Variants in SNRPD1 observed in about 807,000 individuals in gnomAD.
SNRPD1 encodes the protein small nuclear ribonucleoprotein Sm D1.
In SNRPD1, 1 loss-of-function variant was observed where a neutral mutation model predicts 14.4. The ratio of observed to expected loss-of-function variants is 0.07; its 90% CI spans 0.02 to 0.33. SNRPD1 has a LOEUF of 0.33. Ranked by LOEUF, SNRPD1 falls within the 10% of genes least tolerant of loss-of-function variation. The pLI is 1.00. For missense variants in SNRPD1, 52 were observed against 146.4 expected, an observed-to-expected ratio of 0.36 and a Z score of 3.33; for synonymous variants, 42 against 50.3, an observed-to-expected ratio of 0.83 and a Z score of 0.70.
chr18:21,612,482 G>T, intron 1 of SNRPD1, 39 bp downstream of exon 1: 1 of 1,449,944 alleles, frequency 6.9e-7, no homozygotes, highest in Non-Finnish European at 9.3e-7. Context: ...GCTGTGAAGG[G>T]AGGGCTTGGC....
intron 1 of SNRPD1, among the ~76,000 whole-genome samples, chr18:21,620,217 G>A (rs2038987610): frequency 6.6e-6 from 1 of 152,116 alleles, no homozygotes; most frequent in Non-Finnish European, 1.5e-5. Flanking sequence ...GCCTCCCAAA[G>A]TGCTGGGGTT....
intron 2 of SNRPD1, among the ~76,000 whole-genome samples, chr18:21,623,433 C>T (rs866835502): frequency 3.0e-4 from 45 of 152,102 alleles, no homozygotes; most frequent in African/African-American, 1.1e-3. Context: ...GTTACAAAGA[C>T]AGTGGGAGAA....
intron 1 of SNRPD1, among the ~76,000 whole-genome samples, chr18:21,614,252 G>A (rs1219303112): frequency 3.9e-5 from 6 of 152,204 alleles, no homozygotes; most frequent in African/African-American, 1.4e-4. Context: ...GGGCAACAGA[G>A]TGAGACTCGG....
chr18:21,633,520 CT>C (rs1411716084), downstream of SNRPD1: 9 of 151,840 alleles, frequency 5.9e-5, no homozygotes, highest in Non-Finnish European at 1.3e-4. Context: ...GGAGTACTTT[CT>C]TTTCGTTTTT....
rs1345559594 is a variant in SNRPD1 at position 21,633,077 on chromosome 18, C to T, written c.*3939C>T. On this transcript the variant is annotated 3_prime_UTR_variant, in exon 4 of 4. Coordinates refer to ENST00000300413, the MANE Select transcript of SNRPD1 (RefSeq NM_006938.4). ...GTGTTAGCCAGGATGGTCTGAATCT[C>T]CTGACCTCGTGATTCGCCCGCCTCG... 10 of 152,140 alleles carry T rather than the reference C, an allele frequency of 6.6e-5. No homozygotes were observed. The highest frequency in any genetic ancestry group is 6.6e-4 in the Admixed American group (10 of 15,244). 9.4% of individuals were successfully genotyped at this position (152,140 alleles called of 1,614,324 possible).
chr18:21,622,953 GT>G (rs1383710336), intron 2 of SNRPD1, 152 bp downstream of exon 2: 11 of 484,204 alleles, frequency 2.3e-5, no homozygotes, highest in Admixed American at 4.4e-5. Context: ...TTTTTAAACA[GT>G]TTTGCTCTGT....
intron 3 of SNRPD1, 101 bp from the exon 4 acceptor site, chr18:21,628,961 C>T: frequency 8.0e-6 from 7 of 872,030 alleles, no homozygotes; most frequent in Non-Finnish European, 1.4e-5. Flanking sequence ...TAATAAAGAG[C>T]TATAAACAGG....
In SNRPD1 at chr18:21,632,488, T is replaced by A. The variant is rs1186120238; in HGVS notation, c.*3350T>A. The A allele has an allele frequency of 6.6e-6, 1 of 152,026 alleles. No homozygotes were observed. The highest frequency in any genetic ancestry group is 6.6e-5 in the Admixed American group (1 of 15,242). The allele number at this position is 152,026 out of a possible 1,614,324, so 9.4% of individuals were successfully genotyped here. A position where few individuals can be genotyped will look rare whatever the true frequency, so the allele number is the denominator to read the frequency against. ...AAAAAAAAAATTTGTTTTGAGAGTTTTTGTGTCTAGGATGTTTGCAGTGTG... is the reference window on the plus strand; with the variant it reads ...AAAAAAAAAATTTGTTTTGAGAGTTATTGTGTCTAGGATGTTTGCAGTGTG... On this transcript the variant is annotated 3_prime_UTR_variant, in exon 4 of 4. Coordinates refer to ENST00000300413, the MANE Select transcript of SNRPD1 (RefSeq NM_006938.4).
intron 1 of SNRPD1, among the ~76,000 whole-genome samples, chr18:21,621,120 A>G (rs946770547): frequency 4.6e-5 from 7 of 152,106 alleles, no homozygotes; most frequent in Middle Eastern, 3.4e-3. Context: ...GTGAGCCGAG[A>G]TTGTGCCACT....
At chr18:21,619,521 A>C (rs1472970389) in intron 1 of SNRPD1, among the ~76,000 whole-genome samples, 1 of 147,634 alleles carries the variant, frequency 6.8e-6, no homozygotes, top group Non-Finnish European at 1.5e-5. Flanking sequence ...CTGGTGGCTT[A>C]CGCCTGTAAT....
rs1293639091 is a variant in SNRPD1, at chr18:21,631,703, ACAGGCG to A, written c.*2566_*2571del. On this transcript the variant is annotated 3_prime_UTR_variant, in exon 4 of 4. Coordinates refer to ENST00000300413, the MANE Select transcript of SNRPD1 (RefSeq NM_006938.4). ...CGAGGCCTCCCAATGTGCTGGGATTACAGGCGTGAGCCACCGTGCGTCCCCGGCCTA... is the reference window on the plus strand; with the variant it reads ...CGAGGCCTCCCAATGTGCTGGGATTATGAGCCACCGTGCGTCCCCGGCCTA... 1 of 152,104 alleles carries A rather than the reference ACAGGCG, an allele frequency of 6.6e-6. No individual in the cohort carries two copies. Among genetic ancestry groups the A allele is most frequent in the African/African-American group, 2.4e-5 (1 of 41,412 alleles). 9.4% of individuals were successfully genotyped at this position (152,104 alleles called of 1,614,324 possible). A position where few individuals can be genotyped will look rare whatever the true frequency, so the allele number is the denominator to read the frequency against.
chr18:21,616,635 C>T (rs1304638818), intron 1 of SNRPD1, among the ~76,000 whole-genome samples: 3 of 151,708 alleles, frequency 2.0e-5, no homozygotes, highest in Non-Finnish European at 2.9e-5. Context: ...GGATTACAGG[C>T]GTGAGCCACC....
Position 21,619,929 on chromosome 18 carries a change from A to G in SNRPD1, c.15-2796A>G, listed in dbSNP as rs527566852. On this transcript the variant is annotated intron_variant, in intron 1 of 3. Coordinates refer to ENST00000300413, the MANE Select transcript of SNRPD1 (RefSeq NM_006938.4). ...ACTCCGAGGAGCTGAGACTACAGGC[A>G]TGAGCCAACAGGCCCAGCTAATTTT... is the stretch of plus-strand genomic sequence containing the variant. 5.3e-4 allele frequency among the ~76,000 whole-genome samples: 80 copies of G among 152,230 alleles called. No homozygotes were observed. The South Asian group carries it at 0.014, about 27-fold the overall frequency.
rs1598495863 is a variant in SNRPD1 at position 21,630,497 on chromosome 18, C to T, written c.*1359C>T. On this transcript the variant is annotated 3_prime_UTR_variant, in exon 4 of 4. Coordinates refer to ENST00000300413, the MANE Select transcript of SNRPD1 (RefSeq NM_006938.4). ...AAAGTTTAGCCTGGGTGTGGTGGCT[C>T]ACGCCTGTAATCCCAGCACTTTGGG... 1.3e-5 allele frequency: 2 copies of T among 151,678 alleles called. No individual in the cohort carries two copies. Among genetic ancestry groups the T allele is most frequent in the Admixed American group, 1.3e-4 (2 of 15,196 alleles). 9.4% of individuals were successfully genotyped at this position (151,678 alleles called of 1,614,324 possible). A position where few individuals can be genotyped will look rare whatever the true frequency, so the allele number is the denominator to read the frequency against.
At chr18:21,612,592 C>T (rs2038926994) in intron 1 of SNRPD1, 149 bp downstream of exon 1, 3 of 563,180 alleles carry the variant, frequency 5.3e-6, no homozygotes, top group African/African-American at 1.9e-5. Flanking sequence ...GCAGCTCGTG[C>T]TCGGGCCTGG....
At chr18:21,628,665 G>A (rs190447320) in intron 3 of SNRPD1, among the ~76,000 whole-genome samples, 255 of 152,262 alleles carry the variant, frequency 1.7e-3, no homozygotes, top group African/African-American at 5.9e-3. Flanking sequence ...ATTTTATTCA[G>A]TTACCAAAAC....
chr18:21,622,810 G>T lies in SNRPD1; in HGVS notation c.91+9G>T. The T allele has an allele frequency of 6.8e-7, 1 of 1,460,364 alleles. No individual in the cohort carries two copies. Among genetic ancestry groups the T allele is most frequent in the Non-Finnish European group, 9.6e-7 (1 of 1,045,490 alleles). The allele number at this position is 1,460,364 out of a possible 1,614,324, so 90.5% of individuals were successfully genotyped here. A position where few individuals can be genotyped will look rare whatever the true frequency, so the allele number is the denominator to read the frequency against. On this transcript the variant is annotated intron_variant, in intron 2 of 3. Coordinates refer to ENST00000300413, the MANE Select transcript of SNRPD1 (RefSeq NM_006938.4). ...CCATGGAACAATCACAGGTACGGAG[G>T]TTGGACTGCTTTTATAACATTTTTT...
At chr18:21,617,109 T>C (rs923136374) in intron 1 of SNRPD1, among the ~76,000 whole-genome samples, 1 of 152,222 alleles carries the variant, frequency 6.6e-6, no homozygotes, top group Non-Finnish European at 1.5e-5. Flanking sequence ...GCATCATTTG[T>C]TGAAAACACT....
intron 1 of SNRPD1, among the ~76,000 whole-genome samples, chr18:21,620,892 G>A (rs1266104519): frequency 1.3e-5 from 2 of 152,232 alleles, no homozygotes; most frequent in Admixed American, 6.5e-5. Flanking sequence ...GGCAGGGCGC[G>A]GTGGCTCATG....
Sources: gnomAD v4.1 joint callset for allele counts (sites outside exome capture counted in the v4.1 genomes callset) on GRCh38, gnomAD v4.1.1 for gene constraint, MANE v1.5 for transcripts, NCBI Gene and HGNC (gene_info 2026-07-23, HGNC 2026-07-21) for gene names.